ADAM18: variants seen among roughly 807,000 people sequenced by gnomAD.
The protein encoded by ADAM18 is disintegrin and metalloproteinase domain-containing protein 18.
ADAM18 carries 117 observed loss-of-function variants against 94.4 expected under a neutral mutation model. That is an observed-to-expected ratio of 1.24 (90% CI 1.07 to 1.45). ADAM18 has a LOEUF of 1.45. ADAM18 is among the 40% of genes most tolerant of loss of function. The probability of loss-of-function intolerance (pLI) is 0.00; values close to 1 mark genes in which losing one functional copy is unlikely to be tolerated. For missense variants in ADAM18, 936 were observed against 880.0 expected (o/e 1.06, Z -0.81); for synonymous variants, 327 against 291.6 (o/e 1.12, Z -1.24).
At chr8:39,645,866 A>G (rs1004427499) in intron 11 of ADAM18, among the ~76,000 whole-genome samples, 14 of 152,176 alleles carry the variant, frequency 9.2e-5, no homozygotes, top group African/African-American at 3.1e-4. Context: ...ATCTATTTAT[A>G]CACTAATTTT....
rs1819089096 is a variant in ADAM18 at position 39,606,448 on chromosome 8, A to C, written c.188+86A>C. The stretch of plus-strand genomic sequence containing the variant: ...CCTTAAAGTTTTTGTGCAGTATTTA[A>C]ATTCAGGAATGCTGTATAATGTAGA... On this transcript the variant is annotated intron_variant, in intron 3 of 19. Transcript: ENST00000265707. The C allele has an allele frequency of 8.8e-6, 7 of 792,584 alleles. No homozygotes were observed. The South Asian group carries it at 1.3e-4, about 15-fold the overall frequency. The allele number at this position is 792,584 out of a possible 1,614,324, so 49.1% of individuals were successfully genotyped here. A position where few individuals can be genotyped will look rare whatever the true frequency, so the allele number is the denominator to read the frequency against.
chr8:39,663,875 T>A lies in ADAM18; in HGVS notation c.1311T>A (p.Cys437Ter). The A allele has an allele frequency of 6.2e-7, 1 of 1,610,588 alleles. No homozygotes were observed. Among genetic ancestry groups the A allele is most frequent in the African/African-American group, 1.3e-5 (1 of 74,916 alleles). The stretch of plus-strand genomic sequence containing the variant: ...TAAAATGTGGTTCTGGACCATGTTG[T>A]ACATCAAAGTGTGAGGTAAGTTACT... Reference protein sequence around the residue: ...GSVKCGSGPCCTSKCELSIAG... With the variant: ...GSVKCGSGPC The change falls in exon 13 of 20, where the codon TGT becomes TGA. Residue 437 changes from cysteine (C) to a stop codon, truncating the protein, a stop_gained. Transcript: ENST00000265707. LOFTEE classifies it high-confidence loss of function.
intron 17 of ADAM18, among the ~76,000 whole-genome samples, chr8:39,693,660 T>G (rs970062368): frequency 1.3e-5 from 2 of 151,228 alleles, no homozygotes; most frequent in Non-Finnish European, 3.0e-5. Context: ...TACGTTCAGT[T>G]GTTGTTTTAC....
At chr8:39,683,800 A>G (rs1422068319) in intron 16 of ADAM18, among the ~76,000 whole-genome samples, 1 of 152,182 alleles carries the variant, frequency 6.6e-6, no homozygotes, top group Non-Finnish European at 1.5e-5. Context: ...TAAAGGCAAG[A>G]TGGCAAATAT....
rs774247682 is a variant in ADAM18 at position 39,706,869 on chromosome 8, G to A, written c.1982G>A (p.Gly661Glu). ...TGTAAATTCCAGTTTGGTTCCCCAG[G>A]GGGTAGTATTGATGATGGAAATTTT... is the stretch of plus-strand genomic sequence containing the variant. ...PDCKFQFGSP[G>E]GSIDDGNFQK... Residue 661 changes from glycine (G) to glutamate (E), a missense_variant, in exon 18 of 20, where the codon GGG becomes GAG. Coordinates refer to ENST00000265707, the MANE Select transcript of ADAM18 (RefSeq NM_014237.3). 2 of 1,608,248 alleles carry A rather than the reference G, an allele frequency of 1.2e-6. No individual in the cohort carries two copies. The highest frequency in any genetic ancestry group is 2.2e-5 in the East Asian group (1 of 44,826).
rs1031255047 is a variant in ADAM18 at position 39,609,765 on chromosome 8, G to A, written c.344+204G>A. 5.9e-5 allele frequency among the ~76,000 whole-genome samples: 9 copies of A among 152,118 alleles called. No individual in the cohort carries two copies. In the South Asian group the frequency reaches 8.3e-4, roughly 14 times the overall value. On this transcript the variant is annotated intron_variant, in intron 5 of 19. Transcript: ENST00000265707. ...CCCATGAAATCAATCCAGGGTTATC[G>A]TGGAAAATGGAATAGTTTCATGGAA...
intron 14 of ADAM18, among the ~76,000 whole-genome samples, chr8:39,674,082 A>T (rs1821230448): frequency 1.3e-5 from 2 of 152,210 alleles, no homozygotes; most frequent in Non-Finnish European, 2.9e-5. Context: ...TGTGGTGCTG[A>T]GAAGAATATA....
In ADAM18 at chr8:39,648,324, G is replaced by A; in HGVS notation, c.1047-20G>A. 1 of 1,556,654 alleles carries A rather than the reference G, an allele frequency of 6.4e-7. No homozygotes were observed. Among genetic ancestry groups the A allele is most frequent in the Non-Finnish European group, 8.7e-7 (1 of 1,150,444 alleles). ...TTATTAGCCAGGCTTATTTGCCTGA[G>A]GAATATTATTTTATTTTAGGAGTGC... On this transcript the variant is annotated intron_variant, in intron 11 of 19. Coordinates refer to ENST00000265707, the MANE Select transcript of ADAM18 (RefSeq NM_014237.3).
chr8:39,684,603 G>A (rs144434397), intron 16 of ADAM18, among the ~76,000 whole-genome samples: 116 of 152,286 alleles, frequency 7.6e-4, no homozygotes, highest in African/African-American at 2.7e-3. Flanking sequence ...TCAGCCTGAG[G>A]TTGAGGGGGC....
chr8:39,720,266 A>G (rs1031154081), intron 18 of ADAM18, among the ~76,000 whole-genome samples: 20 of 151,682 alleles, frequency 1.3e-4, no homozygotes, highest in African/African-American at 3.6e-4. Context: ...GCTAATTTAT[A>G]ATGAAAGAAT....
chr8:39,662,544 A>G (rs1215042124), intron 12 of ADAM18, among the ~76,000 whole-genome samples: 3 of 152,212 alleles, frequency 2.0e-5, no homozygotes, highest in Non-Finnish European at 4.4e-5. Flanking sequence ...AGTTAAGAAT[A>G]TAAAAATATG....
chr8:39,646,563 G>A (rs73676904), intron 11 of ADAM18, among the ~76,000 whole-genome samples: 4,010 of 152,222 alleles, frequency 0.026, 166 homozygotes, highest in African/African-American at 0.09. Flanking sequence ...GATGGTGAGA[G>A]AAAGAACAGA....
chr8:39,604,055 C>G (rs1012886401), intron 2 of ADAM18, among the ~76,000 whole-genome samples: 2 of 152,138 alleles, frequency 1.3e-5, no homozygotes, highest in African/African-American at 2.4e-5. Context: ...TTATGATTTT[C>G]TGTCTTTTCT....
intron 1 of ADAM18, 143 bp from the exon 2 acceptor site, chr8:39,585,133 A>T (rs1415286643): frequency 2.3e-5 from 14 of 621,002 alleles, no homozygotes; most frequent in Non-Finnish European, 4.0e-5. Flanking sequence ...AAATTTGTGG[A>T]CTAGAAAGAG....
At chr8:39,679,387 A>G (rs1161759415) in intron 15 of ADAM18, among the ~76,000 whole-genome samples, 1 of 152,226 alleles carries the variant, frequency 6.6e-6, no homozygotes, top group African/African-American at 2.4e-5. Context: ...AAATACTCTT[A>G]GCCTCATAGA....
intron 13 of ADAM18, among the ~76,000 whole-genome samples, chr8:39,667,401 C>CAAAAAAAAAAAAAAAAAAAAAAAAAAAAA (rs377507911): frequency 1.9e-5 from 1 of 54,026 alleles, no homozygotes. Context: ...AACTCCATCT[C>CAAAAAAAAAAAAAAAAAAAAAAAAAAAAA]AAAAAAAAAA....
In ADAM18 at chr8:39,639,587, C is replaced by A. The variant is rs975935793; in HGVS notation, c.909+1041C>A. ...TCCATATTTCGACTGCTTCATTCCC[C>A]CTCTATAATTATATAACTCATTTGA... On this transcript the variant is annotated intron_variant, in intron 10 of 19. Transcript: ENST00000265707. Among the ~76,000 whole-genome samples, 18 of 151,850 alleles carry A rather than the reference C, an allele frequency of 1.2e-4. 1 individual carries two copies. Among genetic ancestry groups the A allele is most frequent in the African/African-American group, 4.1e-4 (17 of 41,380 alleles).
At chr8:39,684,046 G>T (rs1441161194) in intron 16 of ADAM18, among the ~76,000 whole-genome samples, 1 of 152,094 alleles carries the variant, frequency 6.6e-6, no homozygotes, top group East Asian at 1.9e-4. Context: ...TTGGGAGGCT[G>T]AAGCAAGAGG....
At chr8:39,673,056 G>A (rs536758620) in intron 14 of ADAM18, among the ~76,000 whole-genome samples, 11 of 152,058 alleles carry the variant, frequency 7.2e-5, no homozygotes, top group African/African-American at 1.9e-4. Flanking sequence ...GTCTGTAACC[G>A]CCTGTTTCAA....
Sources: gnomAD v4.1 joint callset for allele counts (sites outside exome capture counted in the v4.1 genomes callset) on GRCh38, gnomAD v4.1.1 for gene constraint, MANE v1.5 for transcripts, NCBI Gene and HGNC (gene_info 2026-07-23, HGNC 2026-07-21) for gene names.